SAMD4A: variants seen among roughly 807,000 people sequenced by gnomAD.
The protein encoded by SAMD4A is sterile alpha motif domain containing 4A, also known as protein Smaug homolog 1.
Under a neutral mutation model 81.3 loss-of-function variants are expected in SAMD4A, and 33 were observed. The ratio of observed to expected loss-of-function variants is 0.41; its 90% CI spans 0.31 to 0.54. The LOEUF is 0.54. Ranked by LOEUF, SAMD4A falls within the 20% of genes least tolerant of loss-of-function variation. The probability of loss-of-function intolerance (pLI) is 0.37; values close to 1 mark genes in which losing one functional copy is unlikely to be tolerated. For synonymous variants in SAMD4A, 389 were observed against 382.1 expected (o/e 1.02, Z -0.21); for missense variants, 854 against 951.1 (o/e 0.90, Z 1.34).
chr14:54,748,680 C>G (rs576105261), intron 4 of SAMD4A, 135 bp from the exon 5 acceptor site: 16 of 635,888 alleles, frequency 2.5e-5, no homozygotes, highest in Admixed American at 1.6e-4. Flanking sequence ...TACATAGTAA[C>G]ATAAAGGTGT....
chr14:54,646,966 A>T (rs1047701059), intron 2 of SAMD4A, among the ~76,000 whole-genome samples: 1 of 152,208 alleles, frequency 6.6e-6, no homozygotes, highest in Admixed American at 6.5e-5. Flanking sequence ...TGGAAACTCA[A>T]TGCAGCTTTT....
At chr14:54,684,642 T>G (rs1431021136) in intron 2 of SAMD4A, among the ~76,000 whole-genome samples, 1 of 111,820 alleles carries the variant, frequency 8.9e-6, no homozygotes, top group African/African-American at 3.5e-5. Flanking sequence ...ACGGGAAACC[T>G]ATGGAAAGGG....
At chr14:54,742,032 C>A (rs754558872) in intron 4 of SAMD4A, among the ~76,000 whole-genome samples, 3 of 152,056 alleles carry the variant, frequency 2.0e-5, no homozygotes, top group Non-Finnish European at 4.4e-5. Flanking sequence ...ACCTTCAAAG[C>A]AGAGTGGAAT....
At chr14:54,605,649 T>A (rs1200272750) in intron 2 of SAMD4A, among the ~76,000 whole-genome samples, 3 of 152,162 alleles carry the variant, frequency 2.0e-5, no homozygotes, top group Admixed American at 2.0e-4. Flanking sequence ...AAAGGCATTG[T>A]TTTTTTATAA....
At chr14:54,583,406 C>T (rs964726666) in intron 2 of SAMD4A, among the ~76,000 whole-genome samples, 3 of 152,156 alleles carry the variant, frequency 2.0e-5, no homozygotes, top group African/African-American at 7.2e-5. Context: ...CCCCGAGAAG[C>T]AGCAGGGTGG....
intron 2 of SAMD4A, among the ~76,000 whole-genome samples, chr14:54,582,197 G>C (rs76544838): frequency 6.6e-6 from 1 of 151,938 alleles, no homozygotes; most frequent in Non-Finnish European, 1.5e-5. Flanking sequence ...TGTATGTTTA[G>C]TTCACAACAT....
At chr14:54,712,210 G>A (rs760321224) in intron 3 of SAMD4A, among the ~76,000 whole-genome samples, 16 of 151,862 alleles carry the variant, frequency 1.1e-4, no homozygotes, top group Non-Finnish European at 1.6e-4. Context: ...CACTGTTGTA[G>A]TCTGGAGTTC....
intron 2 of SAMD4A, among the ~76,000 whole-genome samples, chr14:54,619,184 T>C (rs2034558195): frequency 6.6e-6 from 1 of 152,240 alleles, no homozygotes; most frequent in African/African-American, 2.4e-5. Flanking sequence ...TAGGTAATTA[T>C]TTTAAGTCAA....
rs1277800307 is a variant in SAMD4A at position 54,626,053 on chromosome 14, TGTGTGTGC to T, written c.196+57943_196+57950del. On this transcript the variant is annotated intron_variant, in intron 2 of 12. Coordinates refer to ENST00000554335, the MANE Select transcript of SAMD4A (RefSeq NM_015589.6). ...GTGTGTGTGTGTGTGTGTGTGTGTG[TGTGTGTGC>T]GCGCGCGCGCGCGCGAGTGCGCACA... Among the ~76,000 whole-genome samples, 110 of 120,178 alleles carry T rather than the reference TGTGTGTGC, an allele frequency of 9.2e-4. 3 individuals are homozygous for T. In the South Asian group the frequency reaches 0.016, roughly 18 times the overall value. The allele number at this position is 120,178 out of a possible 152,430, so 78.8% of individuals were successfully genotyped here.
intron 8 of SAMD4A, among the ~76,000 whole-genome samples, 181 bp from the exon 9 acceptor site, chr14:54,769,923 T>C (rs1300126237): frequency 6.6e-6 from 1 of 152,166 alleles, no homozygotes; most frequent in Non-Finnish European, 1.5e-5. Flanking sequence ...CAATGTCAGA[T>C]AACTTAAATT....
At chr14:54,609,611 C>G (rs568885963) in intron 2 of SAMD4A, among the ~76,000 whole-genome samples, 1 of 152,280 alleles carries the variant, frequency 6.6e-6, no homozygotes, top group African/African-American at 2.4e-5. Flanking sequence ...TAATTTATGA[C>G]GTCTGGAAAG....
At chr14:54,685,067 C>T (rs1251999064) in intron 2 of SAMD4A, among the ~76,000 whole-genome samples, 1 of 152,216 alleles carries the variant, frequency 6.6e-6, no homozygotes, top group African/African-American at 2.4e-5. Context: ...TGGCTGTCTT[C>T]CCCTGAAGGG....
chr14:54,702,893 C>G, intron 3 of SAMD4A: 1 of 314,374 alleles, frequency 3.2e-6, no homozygotes, highest in Non-Finnish European at 5.9e-6. Context: ...TCACCCATGT[C>G]TTTCACCCTG....
intron 3 of SAMD4A, among the ~76,000 whole-genome samples, chr14:54,729,244 G>T (rs1442919273): frequency 6.6e-6 from 1 of 152,148 alleles, no homozygotes; most frequent in African/African-American, 2.4e-5. Context: ...CAGTCTAGGT[G>T]GTGCCGTTAA....
intron 4 of SAMD4A, among the ~76,000 whole-genome samples, chr14:54,748,533 A>G (rs2038021398): frequency 6.6e-6 from 1 of 152,150 alleles, no homozygotes; most frequent in Non-Finnish European, 1.5e-5. Context: ...AAATTGGGAT[A>G]TAATTTTAGG....
intron 2 of SAMD4A, among the ~76,000 whole-genome samples, chr14:54,591,193 G>A (rs879296418): frequency 6.6e-6 from 1 of 152,198 alleles, no homozygotes; most frequent in Non-Finnish European, 1.5e-5. Flanking sequence ...GAATGATGGT[G>A]GTGCCCCTAG....
intron 10 of SAMD4A, 98 bp downstream of exon 10, chr14:54,775,233 A>G (rs2139936014): frequency 7.4e-7 from 1 of 1,348,942 alleles, no homozygotes; most frequent in Non-Finnish European, 1.1e-6. Context: ...GAGAGGCCAA[A>G]GGGGACTATG....
Position 54,790,006 on chromosome 14 carries a change from C to T in SAMD4A, c.*1062C>T, listed in dbSNP as rs2039232296. On this transcript the variant is annotated 3_prime_UTR_variant, in exon 13 of 13. Transcript: ENST00000554335. ...CCACCCATGGGGCATTATCCTGTCACTCCCAGCCTTGCTCCACACACACAC... is the reference window on the plus strand; with the variant it reads ...CCACCCATGGGGCATTATCCTGTCATTCCCAGCCTTGCTCCACACACACAC... 6.6e-6 allele frequency: 1 copy of T among 152,254 alleles called. No individual in the cohort carries two copies. The highest frequency in any genetic ancestry group is 1.5e-5 in the Non-Finnish European group (1 of 68,062). The allele number at this position is 152,254 out of a possible 1,614,324, so 9.4% of individuals were successfully genotyped here. A position where few individuals can be genotyped will look rare whatever the true frequency, so the allele number is the denominator to read the frequency against.
chr14:54,676,031 G>T (rs1454047259), intron 2 of SAMD4A, among the ~76,000 whole-genome samples: 1 of 152,132 alleles, frequency 6.6e-6, no homozygotes, highest in Non-Finnish European at 1.5e-5. Flanking sequence ...GTGCTGACTC[G>T]TGCCTAAACA....
Sources: allele counts gnomAD v4.1 joint callset (sites outside exome capture counted in the v4.1 genomes callset), GRCh38; gene constraint gnomAD v4.1.1; transcripts MANE v1.5; gene names NCBI Gene and HGNC (gene_info 2026-07-23, HGNC 2026-07-21).